The following KIF26B variants were observed in gnomAD, a reference collection of about 807,000 sequenced individuals.
The protein encoded by KIF26B is kinesin-like protein KIF26B.
A neutral mutation model predicts 151.2 loss-of-function variants in KIF26B; 63 were observed. The ratio of observed to expected loss-of-function variants is 0.42; its 90% CI spans 0.34 to 0.51. KIF26B has a LOEUF of 0.51. Among genes scored for constraint, KIF26B ranks in the 20% least tolerant of loss-of-function variants. The probability of loss-of-function intolerance (pLI) is 0.07; values close to 1 mark genes in which losing one functional copy is unlikely to be tolerated. For synonymous variants in KIF26B, 1,357 were observed against 1,262.1 expected (o/e 1.08, Z -1.59); for missense variants, 2,813 against 2,913.6 (o/e 0.97, Z 0.79).
chr1:245,680,803 T>C (rs775649667), intron 10 of KIF26B, among the ~76,000 whole-genome samples: 2 of 152,228 alleles, frequency 1.3e-5, no homozygotes, highest in Admixed American at 6.5e-5. Context: ...GGGGTGAAGA[T>C]ACTGAGTCGC....
chr1:245,368,016 GA>G lies in KIF26B; in HGVS notation c.999+651del, dbSNP rs570328093. 6.6e-5 allele frequency among the ~76,000 whole-genome samples: 10 copies of G among 152,292 alleles called. No individual in the cohort carries two copies. The South Asian group carries it at 2.1e-3, about 32-fold the overall frequency. Reference sequence around the variant, plus strand: ...AATCACGGTTTTAAAGCAGCCTGTGGAAGTGCTGGACATTGCTGAGAATAAA... The same window carrying G: ...AATCACGGTTTTAAAGCAGCCTGTGGAGTGCTGGACATTGCTGAGAATAAA... On this transcript the variant is annotated intron_variant, in intron 3 of 14. Transcript: ENST00000407071.
chr1:245,205,572 C>A (rs1486693133), intron 2 of KIF26B, among the ~76,000 whole-genome samples: 2 of 152,160 alleles, frequency 1.3e-5, no homozygotes, highest in Non-Finnish European at 2.9e-5. Context: ...ACTTGGCAAC[C>A]TTATGGTATG....
chr1:245,286,369 C>T (rs1204760924), intron 2 of KIF26B, among the ~76,000 whole-genome samples: 1 of 151,830 alleles, frequency 6.6e-6, no homozygotes, highest in East Asian at 1.9e-4. Flanking sequence ...TGTCAAAACC[C>T]CATCTCCACT....
intron 2 of KIF26B, chr1:245,282,986 T>A: frequency 3.3e-6 from 1 of 302,768 alleles, no homozygotes; most frequent in Admixed American, 3.7e-5. Context: ...TTTGAAAAAC[T>A]TGTTCTGCTT....
At chr1:245,295,046 C>T (rs1671314818) in intron 2 of KIF26B, among the ~76,000 whole-genome samples, 1 of 152,068 alleles carries the variant, frequency 6.6e-6, no homozygotes, top group Admixed American at 6.6e-5. Flanking sequence ...ATCCTAGTCT[C>T]TTTCAACTCA....
At position 245,300,729 on chromosome 1, in the gene KIF26B, A is replaced by G. The variant is rs59488674; in HGVS notation, c.466-66105A>G. 7.0e-3 allele frequency among the ~76,000 whole-genome samples: 1,066 copies of G among 151,248 alleles called. 11 individuals are homozygous for G. Among genetic ancestry groups the G allele is most frequent in the African/African-American group, 0.025 (1,013 of 41,118 alleles). ...TTTTTAGTAGAGACGGGGTTTCGCC[A>G]TATTGACCAGGCTGGTCTCGAGCTC... On this transcript the variant is annotated intron_variant, in intron 2 of 14. Coordinates refer to ENST00000407071, the MANE Select transcript of KIF26B (RefSeq NM_018012.4).
chr1:245,481,832 A>G (rs545208102), intron 4 of KIF26B, among the ~76,000 whole-genome samples: 3 of 151,870 alleles, frequency 2.0e-5, no homozygotes, highest in South Asian at 2.1e-4. Flanking sequence ...ACCTTGATCA[A>G]TGTCCCCTGG....
rs961451653 is a variant in KIF26B at position 245,703,740 on chromosome 1, CAG to C, written c.*1138_*1139del. On this transcript the variant is annotated 3_prime_UTR_variant, in exon 15 of 15. Transcript: ENST00000407071. Reference sequence around the variant, plus strand: ...GCTGAGAGACCTTCTCAGGCTTGTTCAGAGACTTCAACTGTATTGGATTAGAA... The same window carrying C: ...GCTGAGAGACCTTCTCAGGCTTGTTCAGACTTCAACTGTATTGGATTAGAA... The C allele has an allele frequency of 6.6e-6, 1 of 152,178 alleles. No individual in the cohort carries two copies. Among genetic ancestry groups the C allele is most frequent in the African/African-American group, 2.4e-5 (1 of 41,440 alleles). 9.4% of individuals were successfully genotyped at this position (152,178 alleles called of 1,614,324 possible). A position where few individuals can be genotyped will look rare whatever the true frequency, so the allele number is the denominator to read the frequency against.
intron 2 of KIF26B, among the ~76,000 whole-genome samples, chr1:245,250,514 G>A (rs1042015712): frequency 4.6e-5 from 7 of 152,268 alleles, no homozygotes; most frequent in South Asian, 2.1e-4. Flanking sequence ...GTCATGTAAT[G>A]TGCTGGCTCA....
At position 245,667,349 on chromosome 1, in the gene KIF26B, A is replaced by T. The variant is rs114129296; in HGVS notation, c.2259-16884A>T. ...TGCCACCATGCCCGGCTACTTTTTT[A>T]AATATTTTTAATAGAGATGGGGTTT... On this transcript the variant is annotated intron_variant, in intron 10 of 14. Transcript: ENST00000407071. The surrounding 1 kb of genome is among the most constrained non-coding windows in gnomAD (Gnocchi z 4.3). Among the ~76,000 whole-genome samples, 7,510 of 151,824 alleles carry T rather than the reference A, an allele frequency of 0.049. 553 individuals are homozygous for T. The highest frequency in any genetic ancestry group is 0.16 in the African/African-American group (6,482 of 41,356).
intron 10 of KIF26B, among the ~76,000 whole-genome samples, chr1:245,678,853 A>T (rs1234713265): frequency 1.4e-5 from 2 of 145,054 alleles, no homozygotes; most frequent in African/African-American, 2.5e-5. Flanking sequence ...ACAGGGCAAG[A>T]CTTCGTCTCA....
At chr1:245,613,047 A>AAGGC (rs1216371597) in intron 9 of KIF26B, among the ~76,000 whole-genome samples, 9 of 152,088 alleles carry the variant, frequency 5.9e-5, no homozygotes, top group African/African-American at 2.2e-4. Flanking sequence ...CTGGGTTCCT[A>AAGGC]AGGCAGGTTG....
intron 10 of KIF26B, among the ~76,000 whole-genome samples, chr1:245,657,710 G>A (rs1018931391): frequency 2.6e-5 from 4 of 152,048 alleles, no homozygotes; most frequent in Admixed American, 6.6e-5. Flanking sequence ...TGCTTCCAGC[G>A]GCTGTTCATT....
chr1:245,433,477 A>AG (rs1553274012), intron 4 of KIF26B, among the ~76,000 whole-genome samples: 3 of 147,734 alleles, frequency 2.0e-5, no homozygotes, highest in African/African-American at 5.0e-5. Flanking sequence ...AAAAAAAAAA[A>AG]AAGAAGAAGA....
intron 2 of KIF26B, among the ~76,000 whole-genome samples, chr1:245,224,822 T>C (rs1281410152): frequency 2.0e-5 from 3 of 152,148 alleles, no homozygotes; most frequent in Non-Finnish European, 2.9e-5. Context: ...TTCCATGTAG[T>C]GGAGTAGAAA....
intron 2 of KIF26B, among the ~76,000 whole-genome samples, chr1:245,285,349 A>G (rs6695602): frequency 0.59 from 89,547 of 151,348 alleles, 26,819 homozygotes; most frequent in East Asian, 0.7. Flanking sequence ...AGAGCCACTC[A>G]TGTGGTCCTC....
At chr1:245,520,199 A>G (rs984887063) in intron 4 of KIF26B, among the ~76,000 whole-genome samples, 6 of 149,362 alleles carry the variant, frequency 4.0e-5, no homozygotes, top group African/African-American at 1.5e-4. Flanking sequence ...CAGAAATAGG[A>G]AAAAAAAAAT....
chr1:245,605,600 C>A lies in KIF26B; in HGVS notation c.1558-2051C>A, dbSNP rs1362342862. On this transcript the variant is annotated intron_variant, in intron 6 of 14. Transcript: ENST00000407071. ...GGACACGTCTCTGCTGGGACACACC[C>A]CTGCTGGAGAACCTGGACTTGTGGG... is the stretch of plus-strand genomic sequence containing the variant. 3.3e-5 allele frequency among the ~76,000 whole-genome samples: 5 copies of A among 152,174 alleles called. No homozygotes were observed. In the East Asian group the frequency reaches 9.7e-4, roughly 29 times the overall value.
In KIF26B at chr1:245,546,792, T is replaced by G. The variant is rs13374996; in HGVS notation, c.1350+5842T>G. Among the ~76,000 whole-genome samples, 851 of 152,348 alleles carry G rather than the reference T, an allele frequency of 5.6e-3. 11 individuals carry two copies. Among genetic ancestry groups the G allele is most frequent in the African/African-American group, 0.02 (815 of 41,586 alleles). On this transcript the variant is annotated intron_variant, in intron 5 of 14. Coordinates refer to ENST00000407071, the MANE Select transcript of KIF26B (RefSeq NM_018012.4). ...CATAAATAATACCTATTCATCACTA[T>G]AGCTAGCCTGATAGCTTTGTAAATT... is the stretch of plus-strand genomic sequence containing the variant.
Sources: allele counts gnomAD v4.1 joint callset (sites outside exome capture counted in the v4.1 genomes callset), GRCh38; gene constraint gnomAD v4.1.1; non-coding constraint Gnocchi (gnomAD v3.1); transcripts MANE v1.5; gene names NCBI Gene and HGNC (gene_info 2026-07-23, HGNC 2026-07-21).